The following LPP variants were observed in gnomAD, a reference collection of about 807,000 sequenced individuals.
LPP encodes the protein LIM domain containing preferred translocation partner in lipoma.
Under a neutral mutation model 60.4 loss-of-function variants are expected in LPP, and 38 were observed. That is an observed-to-expected ratio of 0.63 (90% CI 0.49 to 0.83). LPP has a LOEUF of 0.83. LPP is among the 40% of genes least tolerant of loss of function. The pLI, the probability that LPP is intolerant of heterozygous loss-of-function variation, is 0.00. For missense variants in LPP, 902 were observed against 783.6 expected, an observed-to-expected ratio of 1.15 and a Z score of -1.80; for synonymous variants, 328 against 290.8, an observed-to-expected ratio of 1.13 and a Z score of -1.30.
At chr3:188,288,083 G>A (rs1359210650) in intron 2 of LPP, among the ~76,000 whole-genome samples, 2 of 152,204 alleles carry the variant, frequency 1.3e-5, no homozygotes, top group Non-Finnish European at 2.9e-5. Context: ...GCATTTATTA[G>A]CAAGTTAGGG....
chr3:188,643,978 G>A (rs572471571), intron 7 of LPP, among the ~76,000 whole-genome samples: 1 of 152,258 alleles, frequency 6.6e-6, no homozygotes, highest in Admixed American at 6.5e-5. Flanking sequence ...ACAAAGATCA[G>A]TAACATCATC....
chr3:188,190,616 A>G (rs1359570422), intron 1 of LPP, among the ~76,000 whole-genome samples: 12 of 152,216 alleles, frequency 7.9e-5, no homozygotes, highest in Non-Finnish European at 1.5e-5. Context: ...AAACAGGTGC[A>G]TATTTCAGAG....
rs962014369 is a variant in LPP, at chr3:188,276,715, C to G, written c.-67+51188C>G. Among the ~76,000 whole-genome samples, 14 of 135,822 alleles carry G rather than the reference C, an allele frequency of 1.0e-4. No homozygotes were observed. In the East Asian group the frequency reaches 2.9e-3, roughly 28 times the overall value. 89.1% of individuals were successfully genotyped at this position (135,822 alleles called of 152,430 possible). A position where few individuals can be genotyped will look rare whatever the true frequency, so the allele number is the denominator to read the frequency against. ...TCTCTTTCTCTCTCTCTCTCTCTCTCTCTCTCTCTGTCTGTCCTCCTCTCC... is the reference window on the plus strand; with the variant it reads ...TCTCTTTCTCTCTCTCTCTCTCTCTGTCTCTCTCTGTCTGTCCTCCTCTCC... On this transcript the variant is annotated intron_variant, in intron 2 of 11. Coordinates refer to ENST00000617246, the MANE Select transcript of LPP (RefSeq NM_001375462.1).
At chr3:188,482,030 T>C (rs1439008471) in intron 4 of LPP, among the ~76,000 whole-genome samples, 2 of 152,170 alleles carry the variant, frequency 1.3e-5, no homozygotes, top group Non-Finnish European at 2.9e-5. Context: ...GGTTCCTCCA[T>C]GCTGTTCTCA....
At chr3:188,545,625 G>A (rs1453907359) in intron 6 of LPP, among the ~76,000 whole-genome samples, 1 of 152,104 alleles carries the variant, frequency 6.6e-6, no homozygotes, top group African/African-American at 2.4e-5. Flanking sequence ...CTGGCAGTTT[G>A]GTGTTAGAAG....
At chr3:188,179,425 A>C (rs992998759) in intron 1 of LPP, 25 of 457,624 alleles carry the variant, frequency 5.5e-5, no homozygotes, top group African/African-American at 3.6e-4. Flanking sequence ...GGGCCACCTG[A>C]CATTCTGTCC....
intron 7 of LPP, among the ~76,000 whole-genome samples, chr3:188,641,203 G>A (rs897670582): frequency 2.0e-5 from 3 of 152,254 alleles, no homozygotes; most frequent in African/African-American, 7.2e-5. Context: ...ATTGCAGTCT[G>A]TGTGACCTGT....
chr3:188,682,602 G>C (rs1420139445), intron 7 of LPP, among the ~76,000 whole-genome samples: 4 of 152,192 alleles, frequency 2.6e-5, no homozygotes, highest in African/African-American at 9.7e-5. Context: ...AGGCATTTCA[G>C]GAGTAGAACT....
chr3:188,854,836 T>C (rs1339499527), intron 9 of LPP, among the ~76,000 whole-genome samples: 1 of 152,148 alleles, frequency 6.6e-6, no homozygotes, highest in African/African-American at 2.4e-5. Context: ...GCCAGGTAGA[T>C]AATAAACATC....
chr3:188,225,960 T>C (rs1446294541), intron 2 of LPP, among the ~76,000 whole-genome samples: 1 of 152,224 alleles, frequency 6.6e-6, no homozygotes, highest in Non-Finnish European at 1.5e-5. Flanking sequence ...TGAGTGTCTC[T>C]TGTTTGCCCT....
At chr3:188,629,316 A>G in intron 7 of LPP, among the ~76,000 whole-genome samples, 1 of 152,134 alleles carries the variant, frequency 6.6e-6, no homozygotes. Context: ...GTATACCTAG[A>G]AAACCCCATA....
At chr3:188,734,609 C>T (rs1721841933) in intron 8 of LPP, among the ~76,000 whole-genome samples, 1 of 152,136 alleles carries the variant, frequency 6.6e-6, no homozygotes, top group South Asian at 2.1e-4. Flanking sequence ...ATTCAGTGTC[C>T]TAGGGGTGAC....
chr3:188,496,532 G>A (rs1000429056), intron 5 of LPP, among the ~76,000 whole-genome samples: 2 of 152,194 alleles, frequency 1.3e-5, no homozygotes, highest in East Asian at 1.9e-4. Context: ...TCTTGTATCA[G>A]TGAAGGCTCT....
intron 8 of LPP, among the ~76,000 whole-genome samples, chr3:188,715,091 AC>A (rs931999110): frequency 5.3e-5 from 8 of 152,254 alleles, no homozygotes; most frequent in Non-Finnish European, 1.0e-4. Flanking sequence ...AGTGATAGAT[AC>A]TTAAAAAGAA....
At chr3:188,532,292 G>T (rs1323154754) in intron 6 of LPP, among the ~76,000 whole-genome samples, 1 of 152,006 alleles carries the variant, frequency 6.6e-6, no homozygotes, top group East Asian at 1.9e-4. Flanking sequence ...GGGGGTGGTG[G>T]CATGCACCTG....
At chr3:188,380,251 G>A (rs1242158122) in intron 3 of LPP, among the ~76,000 whole-genome samples, 1 of 152,230 alleles carries the variant, frequency 6.6e-6, no homozygotes, top group East Asian at 1.9e-4. Flanking sequence ...AACTACTAGA[G>A]GCATGGTGGA....
chr3:188,237,321 T>C (rs764925469), intron 2 of LPP, among the ~76,000 whole-genome samples: 7 of 152,206 alleles, frequency 4.6e-5, no homozygotes, highest in Non-Finnish European at 7.3e-5. Context: ...CCCATGAGGA[T>C]TGGAATAAAT....
intron 6 of LPP, among the ~76,000 whole-genome samples, chr3:188,525,097 G>A (rs1019672444): frequency 2.0e-5 from 3 of 151,560 alleles, no homozygotes; most frequent in African/African-American, 7.3e-5. Flanking sequence ...CTCCTGAGTA[G>A]CTGGGATTAC....
chr3:188,264,636 A>T (rs1422636764), intron 2 of LPP, among the ~76,000 whole-genome samples: 1 of 152,114 alleles, frequency 6.6e-6, no homozygotes, highest in Non-Finnish European at 1.5e-5. Context: ...CTGTTTGTCA[A>T]ATAACTCTCT....
Sources: allele counts gnomAD v4.1 joint callset (sites outside exome capture counted in the v4.1 genomes callset), GRCh38; gene constraint gnomAD v4.1.1; transcripts MANE v1.5; gene names NCBI Gene and HGNC (gene_info 2026-07-23, HGNC 2026-07-21).